Variants in SLC6A19 observed in about 807,000 individuals in gnomAD.
SLC6A19 encodes the protein solute carrier family 6 member 19, also known as sodium-dependent neutral amino acid transporter B(0)AT1.
In SLC6A19, 67 loss-of-function variants were observed where a neutral mutation model predicts 68.3. The observed-to-expected ratio is 0.98, with a 90% CI of 0.81 to 1.20. The LOEUF (loss-of-function observed/expected upper bound fraction) is 1.20. SLC6A19 is among the 50% of genes most tolerant of loss of function. The pLI is 0.00. For missense variants in SLC6A19, 813 were observed against 851.6 expected (o/e 0.95, Z 0.56); for synonymous variants, 392 against 374.9 (o/e 1.05, Z -0.53).
At chr5:1,219,823 G>A (rs984043377) in intron 10 of SLC6A19, among the ~76,000 whole-genome samples, 159 bp downstream of exon 10, 2 of 152,312 alleles carry the variant, frequency 1.3e-5, no homozygotes, top group African/African-American at 2.4e-5. Context: ...CTGTCCTGGC[G>A]GGAGCAGAGG....
Position 1,209,151 on chromosome 5 carries a change from A to T in SLC6A19, c.343+265A>T, listed in dbSNP as rs1561163223. Among the ~76,000 whole-genome samples, 1 of 151,922 alleles carries T rather than the reference A, an allele frequency of 6.6e-6. No individual in the cohort carries two copies. The highest frequency in any genetic ancestry group is 2.4e-5 in the African/African-American group (1 of 41,352). On this transcript the variant is annotated intron_variant, in intron 2 of 11. Transcript: ENST00000304460. This position sits in a 1 kb window ranked among gnomAD's most constrained non-coding sequence, Gnocchi z 5.5. ...GGGCCCAGGAGGGTCCAGACACTGG[A>T]CAGCAGAGTGACCACTCAAGCCCTG...
At chr5:1,216,350 G>A (rs972020656) in intron 6 of SLC6A19, among the ~76,000 whole-genome samples, 25 of 152,290 alleles carry the variant, frequency 1.6e-4, no homozygotes, top group Non-Finnish European at 3.2e-4. Context: ...AGGTGAGCAG[G>A]GGACCAGGTG....
chr5:1,202,737 A>G (rs1399110940), intron 1 of SLC6A19, among the ~76,000 whole-genome samples: 1 of 152,180 alleles, frequency 6.6e-6, no homozygotes, highest in Non-Finnish European at 1.5e-5. Flanking sequence ...GTCTGCCCTC[A>G]GGGGGCCCTG....
rs571856207 is a variant in SLC6A19 at position 1,219,380 on chromosome 5, C to G, written c.1379-125C>G. 140 of 1,383,448 alleles carry G rather than the reference C, an allele frequency of 1.0e-4. 3 individuals carry two copies. In the East Asian group the frequency reaches 2.6e-3, roughly 26 times the overall value. 85.7% of individuals were successfully genotyped at this position (1,383,448 alleles called of 1,614,324 possible). A position where few individuals can be genotyped will look rare whatever the true frequency, so the allele number is the denominator to read the frequency against. On this transcript the variant is annotated intron_variant, in intron 9 of 11. Coordinates refer to ENST00000304460, the MANE Select transcript of SLC6A19 (RefSeq NM_001003841.3). ...GCTCTGTCCCCGGCAGTGTGTGCAG[C>G]CCCCGGGTGTGTGAACAGCTCTGTC...
rs1226192981 is a variant in SLC6A19, at chr5:1,224,926, C to A, written c.*3022C>A. On this transcript the variant is annotated 3_prime_UTR_variant, in exon 12 of 12. Coordinates refer to ENST00000304460, the MANE Select transcript of SLC6A19 (RefSeq NM_001003841.3). ...CCTGTCACCCTGTCCTGCCCAGCGG[C>A]CCGAGGGCAGCAGTGGGTGTGAGGG... is the stretch of plus-strand genomic sequence containing the variant. 1 of 155,060 alleles carries A rather than the reference C, an allele frequency of 6.4e-6. No homozygotes were observed. Among genetic ancestry groups the A allele is most frequent in the Admixed American group, 6.3e-5 (1 of 15,940 alleles). 9.6% of individuals were successfully genotyped at this position (155,060 alleles called of 1,614,324 possible).
chr5:1,202,551 C>T (rs1047435896), intron 1 of SLC6A19, among the ~76,000 whole-genome samples: 2 of 152,200 alleles, frequency 1.3e-5, no homozygotes, highest in African/African-American at 2.4e-5. Context: ...TACCTAGGAC[C>T]CCCACACTTG....
At chr5:1,205,402 G>A (rs1745825547) in intron 1 of SLC6A19, among the ~76,000 whole-genome samples, 1 of 152,210 alleles carries the variant, frequency 6.6e-6, no homozygotes. Context: ...GCTGCCTCCG[G>A]GCTGCATTTG....
rs960121504 is a variant in SLC6A19, at chr5:1,221,401, C to G, written c.1701+88C>G. ...CATCCACACACATGGCGCATGCACA[C>G]ACAATACACACACCCACACACATGG... On this transcript the variant is annotated intron_variant, in intron 11 of 11. Transcript: ENST00000304460. 1.2e-5 allele frequency: 18 copies of G among 1,474,328 alleles called. No individual in the cohort carries two copies. In the Admixed American group the frequency reaches 1.4e-4, roughly 11 times the overall value. 91.3% of individuals were successfully genotyped at this position (1,474,328 alleles called of 1,614,324 possible). A position where few individuals can be genotyped will look rare whatever the true frequency, so the allele number is the denominator to read the frequency against.
Position 1,212,254 on chromosome 5 carries a change from T to A in SLC6A19, c.482-49T>A, listed in dbSNP as rs1417485007. Reference sequence around the variant, plus strand: ...TCCAGCTCAGGGCCTTCCATTCTCCTCCCTTGGGGGACCCGTACCCTGAGG... The same window carrying A: ...TCCAGCTCAGGGCCTTCCATTCTCCACCCTTGGGGGACCCGTACCCTGAGG... On this transcript the variant is annotated intron_variant, in intron 3 of 11. Coordinates refer to ENST00000304460, the MANE Select transcript of SLC6A19 (RefSeq NM_001003841.3). The surrounding 1 kb of genome is among the most constrained non-coding windows in gnomAD (Gnocchi z 5.1). 6.2e-7 allele frequency: 1 copy of A among 1,609,036 alleles called. No homozygotes were observed. The highest frequency in any genetic ancestry group is 8.5e-7 in the Non-Finnish European group (1 of 1,179,252).
In SLC6A19 at chr5:1,208,731, C is replaced by A. The variant is rs749718203; in HGVS notation, c.203-15C>A. On this transcript the variant is annotated splice_polypyrimidine_tract_variant and intron_variant, in intron 1 of 11. Coordinates refer to ENST00000304460, the MANE Select transcript of SLC6A19 (RefSeq NM_001003841.3). ...GGGAACGGCTCTCAGGCATGGTGGA[C>A]TCCTCCCATTGCAGGAGCCTTCATG... 10 of 1,613,248 alleles carry A rather than the reference C, an allele frequency of 6.2e-6. No homozygotes were observed. Among genetic ancestry groups the A allele is most frequent in the Middle Eastern group, 1.6e-4 (1 of 6,084 alleles).
At chr5:1,202,847 C>G (rs1745754096) in intron 1 of SLC6A19, among the ~76,000 whole-genome samples, 1 of 152,194 alleles carries the variant, frequency 6.6e-6, no homozygotes, top group Non-Finnish European at 1.5e-5. Flanking sequence ...ATCAGTTTCG[C>G]CTCCAGCATT....
rs1186485637 is a variant in SLC6A19 at position 1,215,681 on chromosome 5, T to C, written c.888-877T>C. On this transcript the variant is annotated intron_variant, in intron 6 of 11. Transcript: ENST00000304460. This position sits in a 1 kb window ranked among gnomAD's most constrained non-coding sequence, Gnocchi z 5.1. ...TTTTCCACGTTTTGGCTGTCATGAG[T>C]CATGCTGACGTGAGCCTGTGTGTAC... 6.6e-6 allele frequency among the ~76,000 whole-genome samples: 1 copy of C among 152,354 alleles called. No homozygotes were observed. Among genetic ancestry groups the C allele is most frequent in the South Asian group, 2.1e-4 (1 of 4,822 alleles).
intron 9 of SLC6A19, 64 bp downstream of exon 9, chr5:1,219,171 G>A: frequency 6.6e-7 from 1 of 1,516,958 alleles, no homozygotes; most frequent in East Asian, 2.4e-5. Flanking sequence ...GCAGCCCCCG[G>A]CTGTGTGAAC....
At chr5:1,216,277 T>C (rs114695526) in intron 6 of SLC6A19, among the ~76,000 whole-genome samples, 2,068 of 152,262 alleles carry the variant, frequency 0.014, 41 homozygotes, top group African/African-American at 0.047. Flanking sequence ...CTGAGCTCTA[T>C]AACCAGAGTG....
chr5:1,205,587 G>C (rs1469772110), intron 1 of SLC6A19, among the ~76,000 whole-genome samples: 1 of 152,242 alleles, frequency 6.6e-6, no homozygotes, highest in Non-Finnish European at 1.5e-5. Context: ...GGACACCCTG[G>C]TGGGGTTTTC....
intron 1 of SLC6A19, among the ~76,000 whole-genome samples, chr5:1,202,085 G>T (rs1157873157): frequency 1.3e-5 from 2 of 152,222 alleles, no homozygotes; most frequent in African/African-American, 4.8e-5. Context: ...TTCGTGTGGG[G>T]CTCCAGGGAG....
rs1340301526 is a variant in SLC6A19 at position 1,216,949 on chromosome 5, G to A, written c.1173+4G>A. ...CATCAACGCCTTCCTCTCAGAGGTAGGTCCATTCCGGAGCTCGAGGCAGGG... is the reference window on the plus strand; with the variant it reads ...CATCAACGCCTTCCTCTCAGAGGTAAGTCCATTCCGGAGCTCGAGGCAGGG... On this transcript the variant is annotated splice_donor_region_variant and intron_variant, in intron 8 of 11. Transcript: ENST00000304460. 5 of 1,612,248 alleles carry A rather than the reference G, an allele frequency of 3.1e-6. No individual in the cohort carries two copies. The Admixed American group carries it at 8.3e-5, about 27-fold the overall frequency.
At chr5:1,207,031 C>T (rs1286133462) in intron 1 of SLC6A19, among the ~76,000 whole-genome samples, 5 of 152,208 alleles carry the variant, frequency 3.3e-5, no homozygotes, top group East Asian at 1.9e-4. Context: ...GCAGGCGCGA[C>T]GGGAGCTGCT....
At chr5:1,201,933 T>A in intron 1 of SLC6A19, 81 bp downstream of exon 1, 1 of 1,490,648 alleles carries the variant, frequency 6.7e-7, no homozygotes, top group Non-Finnish European at 9.0e-7. Context: ...GCAGACATCC[T>A]CCCCGGACCC....
Sources: gnomAD v4.1 joint callset for allele counts (sites outside exome capture counted in the v4.1 genomes callset) on GRCh38, gnomAD v4.1.1 for gene constraint, Gnocchi (gnomAD v3.1) non-coding constraint, MANE v1.5 for transcripts, NCBI Gene and HGNC (gene_info 2026-07-23, HGNC 2026-07-21) for gene names.